Variants in GRK5 observed in about 807,000 individuals in gnomAD.
GRK5 encodes the protein g protein-coupled receptor kinase GRK5.
In GRK5, 40 loss-of-function variants were observed where a neutral mutation model predicts 78.4. The observed-to-expected ratio is 0.51, with a 90% CI of 0.40 to 0.66. The LOEUF is 0.66. GRK5 is among the 30% of genes least tolerant of loss of function. The probability of loss-of-function intolerance (pLI) is 0.00; values close to 1 mark genes in which losing one functional copy is unlikely to be tolerated. For synonymous variants in GRK5, 289 were observed against 296.8 expected, an observed-to-expected ratio of 0.97 and a Z score of 0.27; for missense variants, 598 against 759.9, an observed-to-expected ratio of 0.79 and a Z score of 2.50.
chr10:119,416,842 C>T (rs933173112), intron 4 of GRK5, among the ~76,000 whole-genome samples: 3 of 152,244 alleles, frequency 2.0e-5, no homozygotes, highest in African/African-American at 4.8e-5. Flanking sequence ...GATCCACACA[C>T]CTCGGCCTGC....
chr10:119,276,008 T>C (rs1849664497), intron 1 of GRK5, among the ~76,000 whole-genome samples: 1 of 152,190 alleles, frequency 6.6e-6, no homozygotes, highest in South Asian at 2.1e-4. Context: ...GAGGTCTCAG[T>C]GTCCTTCCTC....
chr10:119,298,382 G>A (rs908687520), intron 1 of GRK5, among the ~76,000 whole-genome samples: 4 of 152,158 alleles, frequency 2.6e-5, no homozygotes, highest in African/African-American at 9.7e-5. Flanking sequence ...GCCCTGGTGG[G>A]CAGAGGAGCC....
intron 1 of GRK5, among the ~76,000 whole-genome samples, chr10:119,313,038 A>ATGGTGGTGGTGGTAATGATGATGGTGG (rs1420609220): frequency 2.4e-4 from 2 of 8,186 alleles, no homozygotes; most frequent in Admixed American, 2.6e-3. Flanking sequence ...GGCAGTGGTG[A>ATGGTGGTGGTGGTAATGATGATGGTGG]TGGTGGTGGT....
intron 8 of GRK5, among the ~76,000 whole-genome samples, chr10:119,435,726 G>A (rs574691033): frequency 7.2e-5 from 11 of 152,172 alleles, no homozygotes; most frequent in South Asian, 2.1e-4. Context: ...ACCTGTTACC[G>A]GTTCCAAAGT....
intron 1 of GRK5, among the ~76,000 whole-genome samples, chr10:119,254,782 C>T (rs1279859880): frequency 2.0e-5 from 3 of 152,044 alleles, no homozygotes; most frequent in African/African-American, 4.8e-5. Flanking sequence ...AGGCCGGGCA[C>T]GGTGGCTCAC....
At position 119,353,880 on chromosome 10, in the gene GRK5, T is replaced by C. The variant is rs546210843; in HGVS notation, c.149-26935T>C. ...TTTTGTCCTGGAAGTACCCAGTATA[T>C]GAGGGAAACAAAATGGCAGCCACCC... On this transcript the variant is annotated intron_variant, in intron 2 of 15. Coordinates refer to ENST00000392870, the MANE Select transcript of GRK5 (RefSeq NM_005308.3). 9.2e-5 allele frequency among the ~76,000 whole-genome samples: 14 copies of C among 151,994 alleles called. No individual in the cohort carries two copies. In the South Asian group the frequency reaches 2.9e-3, roughly 32 times the overall value.
chr10:119,335,934 TG>T (rs1487459036), intron 2 of GRK5: 2 of 152,292 alleles, frequency 1.3e-5, no homozygotes, highest in African/African-American at 4.8e-5. Flanking sequence ...GTAGAGCCTC[TG>T]GGAAGGCCAG....
chr10:119,246,019 C>CAAAAAAAA (rs941734040), intron 1 of GRK5, among the ~76,000 whole-genome samples: 458 of 13,292 alleles, frequency 0.034, no homozygotes, highest in Non-Finnish European at 0.046. Flanking sequence ...GACTCCATCT[C>CAAAAAAAA]AAAAAAAAAA....
chr10:119,269,397 A>G (rs1330046864), intron 1 of GRK5, among the ~76,000 whole-genome samples: 4 of 152,154 alleles, frequency 2.6e-5, no homozygotes, highest in Non-Finnish European at 5.9e-5. Context: ...CTGAACATGC[A>G]GCCGAGGGTT....
At chr10:119,293,845 C>G (rs544483267) in intron 1 of GRK5, among the ~76,000 whole-genome samples, 17 of 152,268 alleles carry the variant, frequency 1.1e-4, no homozygotes, top group African/African-American at 4.1e-4. Context: ...TACGTTAAAC[C>G]TGAAATAGAC....
intron 2 of GRK5, among the ~76,000 whole-genome samples, chr10:119,362,117 A>G (rs750191905): frequency 2.0e-4 from 30 of 152,342 alleles, no homozygotes; most frequent in Admixed American, 1.4e-3. Context: ...GAATAAAGTC[A>G]GTTCTTAGGA....
intron 2 of GRK5, among the ~76,000 whole-genome samples, chr10:119,366,717 C>A (rs1376531033): frequency 6.6e-6 from 1 of 152,172 alleles, no homozygotes; most frequent in Non-Finnish European, 1.5e-5. Flanking sequence ...ATTGGTACAT[C>A]TAGGTGACAG....
At chr10:119,225,541 A>G (rs868508980) in intron 1 of GRK5, among the ~76,000 whole-genome samples, 1 of 152,158 alleles carries the variant, frequency 6.6e-6, no homozygotes, top group Non-Finnish European at 1.5e-5. Context: ...GGCTCCTGGC[A>G]AAACCTCACC....
intron 12 of GRK5, among the ~76,000 whole-genome samples, chr10:119,447,921 G>A (rs534913899): frequency 6.6e-6 from 1 of 152,360 alleles, no homozygotes; most frequent in African/African-American, 2.4e-5. Context: ...CTGCTCTCCT[G>A]TCCCATCAGG....
At chr10:119,347,284 T>C (rs1851111845) in intron 2 of GRK5, among the ~76,000 whole-genome samples, 1 of 151,982 alleles carries the variant, frequency 6.6e-6, no homozygotes, top group Non-Finnish European at 1.5e-5. Context: ...TGTTTGCAAG[T>C]GTGCATGTGT....
At chr10:119,296,254 A>C (rs1850079608) in intron 1 of GRK5, among the ~76,000 whole-genome samples, 1 of 152,236 alleles carries the variant, frequency 6.6e-6, no homozygotes, top group Non-Finnish European at 1.5e-5. Flanking sequence ...TCAGCTGAAG[A>C]AGGTACTTTT....
At chr10:119,313,244 A>G (rs376232195) in intron 1 of GRK5, among the ~76,000 whole-genome samples, 3,450 of 88,928 alleles carry the variant, frequency 0.039, 72 homozygotes, top group African/African-American at 0.071. Flanking sequence ...TGGTGGTGGT[A>G]ATGGTGGTGG....
At chr10:119,332,806 T>C (rs1012995148) in intron 2 of GRK5, among the ~76,000 whole-genome samples, 1 of 152,230 alleles carries the variant, frequency 6.6e-6, no homozygotes, top group Non-Finnish European at 1.5e-5. Flanking sequence ...CTGTTCTCTC[T>C]ACCCGGAATG....
In GRK5 at chr10:119,313,337, G is replaced by A. The variant is rs566604293; in HGVS notation, c.53-13179G>A. On this transcript the variant is annotated intron_variant, in intron 1 of 15. Coordinates refer to ENST00000392870, the MANE Select transcript of GRK5 (RefSeq NM_005308.3). ...TGGTGGCAATGGCAGTGGTGGTGGT[G>A]ATGGGGAGGGTGGTGGTGATGATGG... is the stretch of plus-strand genomic sequence containing the variant. Among the ~76,000 whole-genome samples, 11 of 151,858 alleles carry A rather than the reference G, an allele frequency of 7.2e-5. No individual in the cohort carries two copies. The South Asian group carries it at 2.3e-3, about 32-fold the overall frequency.
Sources: gnomAD v4.1 joint callset for allele counts (sites outside exome capture counted in the v4.1 genomes callset) on GRCh38, gnomAD v4.1.1 for gene constraint, MANE v1.5 for transcripts, NCBI Gene and HGNC (gene_info 2026-07-23, HGNC 2026-07-21) for gene names.